The following MARCHF1 variants were observed in gnomAD, a reference collection of about 807,000 sequenced individuals.
The protein encoded by MARCHF1 is membrane associated ring-CH-type finger 1.
MARCHF1 carries 40 observed loss-of-function variants against 54.2 expected under a neutral mutation model. The ratio of observed to expected loss-of-function variants is 0.74; its 90% confidence interval spans 0.57 to 0.96. The LOEUF is 0.96. MARCHF1 is among the 40% of genes least tolerant of loss of function. The pLI is 0.00. For synonymous variants in MARCHF1, 236 were observed against 236.3 expected (o/e 1.00, Z 0.01); for missense variants, 586 against 656.5 (o/e 0.89, Z 1.17).
chr4:164,176,941 GCTCTCTCTCT>G lies in MARCHF1; in HGVS notation c.-322-65289_-322-65280del, dbSNP rs57770641. Among the ~76,000 whole-genome samples the G allele has an allele frequency of 7.1e-3, 411 of 58,100 alleles. 15 individuals are homozygous for G. The highest frequency in any genetic ancestry group is 0.015 in the African/African-American group (330 of 22,556). 38.1% of individuals were successfully genotyped at this position (58,100 alleles called of 152,430 possible). On this transcript the variant is annotated intron_variant, in intron 1 of 9. Transcript: ENST00000514618. ...TGTTATTTATCTGAGTACCTTGTGC[GCTCTCTCTCT>G]CTCTCTCTCTCTCTCTCTCTCTCTC...
Position 163,965,292 on chromosome 4 carries a change from C to G in MARCHF1, c.-39+23209G>C, listed in dbSNP as rs968812231. Among the ~76,000 whole-genome samples the G allele has an allele frequency of 9.2e-5, 14 of 152,062 alleles. No individual in the cohort carries two copies. In the South Asian group the frequency reaches 1.5e-3, roughly 16 times the overall value. On this transcript the variant is annotated intron_variant, in intron 3 of 9. Coordinates refer to ENST00000514618, the MANE Select transcript of MARCHF1 (RefSeq NM_001394959.1). ...TCTCTCTTGTTAGGGATTGAGACAT[C>G]AAGACATAGGCTTGCCTTGTGCCAG...
At chr4:164,070,636 T>C (rs1191018680) in intron 2 of MARCHF1, among the ~76,000 whole-genome samples, 3 of 152,220 alleles carry the variant, frequency 2.0e-5, no homozygotes, top group Non-Finnish European at 4.4e-5. Flanking sequence ...ATGCTCAACC[T>C]ATAATTCTAT....
intron 1 of MARCHF1, among the ~76,000 whole-genome samples, chr4:164,123,646 C>T (rs1756122478): frequency 6.6e-6 from 1 of 152,058 alleles, no homozygotes; most frequent in East Asian, 1.9e-4. Flanking sequence ...AACAAATCTA[C>T]ACACCACAGT....
At chr4:164,270,257 T>C (rs1489434333) in intron 1 of MARCHF1, among the ~76,000 whole-genome samples, 1 of 152,184 alleles carries the variant, frequency 6.6e-6, no homozygotes. Flanking sequence ...TTCTCCCATA[T>C]AAACATAGAG....
intron 1 of MARCHF1, among the ~76,000 whole-genome samples, chr4:164,165,291 A>C (rs909964824): frequency 1.3e-5 from 2 of 152,008 alleles, no homozygotes; most frequent in Admixed American, 1.3e-4. Context: ...GAATGAGGTC[A>C]TGAGGGTGGG....
At chr4:163,939,193 A>T (rs535166821) in intron 3 of MARCHF1, among the ~76,000 whole-genome samples, 1 of 152,304 alleles carries the variant, frequency 6.6e-6, no homozygotes, top group East Asian at 1.9e-4. Context: ...AGCTCCAGGC[A>T]CGGTTGGGAA....
chr4:163,851,948 G>A lies in MARCHF1; in HGVS notation c.111+2073C>T, dbSNP rs141426063. ...ACACATCAGCCCATAACACAAGGAAGAAATCTCTTATTTTATATGTTAAGA... is the reference window on the plus strand; with the variant it reads ...ACACATCAGCCCATAACACAAGGAAAAAATCTCTTATTTTATATGTTAAGA... On this transcript the variant is annotated intron_variant, in intron 4 of 9. Coordinates refer to ENST00000514618, the MANE Select transcript of MARCHF1 (RefSeq NM_001394959.1). 3.1e-3 allele frequency among the ~76,000 whole-genome samples: 471 copies of A among 152,276 alleles called. 3 individuals are homozygous for A. Among genetic ancestry groups the A allele is most frequent in the African/African-American group, 0.011 (451 of 41,546 alleles).
intron 2 of MARCHF1, among the ~76,000 whole-genome samples, chr4:164,008,755 A>C (rs1753352448): frequency 6.6e-6 from 1 of 152,164 alleles, no homozygotes; most frequent in Non-Finnish European, 1.5e-5. Flanking sequence ...TTGAGAAGTT[A>C]AGAAGTACAT....
intron 8 of MARCHF1, among the ~76,000 whole-genome samples, chr4:163,570,439 C>T (rs868661112): frequency 2.6e-5 from 4 of 152,178 alleles, no homozygotes; most frequent in South Asian, 2.1e-4. Flanking sequence ...CAACCTTCTA[C>T]CTCCTTTCCC....
chr4:163,647,503 A>T (rs1742804705), intron 5 of MARCHF1, among the ~76,000 whole-genome samples: 1 of 152,094 alleles, frequency 6.6e-6, no homozygotes, highest in South Asian at 2.1e-4. Flanking sequence ...ACGATAAATC[A>T]TACAGCAGGC....
chr4:163,961,304 T>C (rs1278306084), intron 3 of MARCHF1, among the ~76,000 whole-genome samples: 3 of 151,958 alleles, frequency 2.0e-5, no homozygotes, highest in Non-Finnish European at 4.4e-5. Flanking sequence ...GTGTTTGTGA[T>C]CTTACTGAGC....
At chr4:163,593,459 G>T (rs751890743) in intron 7 of MARCHF1, among the ~76,000 whole-genome samples, 1 of 152,122 alleles carries the variant, frequency 6.6e-6, no homozygotes, top group African/African-American at 2.4e-5. Context: ...ACAGGAGAAG[G>T]CTTTTGTATA....
At chr4:163,756,394 C>T (rs890108021) in intron 4 of MARCHF1, among the ~76,000 whole-genome samples, 1 of 151,414 alleles carries the variant, frequency 6.6e-6, no homozygotes, top group Non-Finnish European at 1.5e-5. Context: ...TTTGGGAGGC[C>T]GAGGTGGGTG....
At chr4:164,017,363 G>A (rs1002433893) in intron 2 of MARCHF1, among the ~76,000 whole-genome samples, 15 of 152,032 alleles carry the variant, frequency 9.9e-5, no homozygotes, top group Admixed American at 1.3e-4. Context: ...TAAAAGAAAA[G>A]CCTACACAAA....
intron 3 of MARCHF1, among the ~76,000 whole-genome samples, chr4:163,858,531 G>C (rs1749831851): frequency 6.6e-6 from 1 of 152,018 alleles, no homozygotes. Flanking sequence ...GAATGTGAAG[G>C]GCTGCTAAAC....
chr4:163,607,870 G>A (rs571647098), intron 7 of MARCHF1, among the ~76,000 whole-genome samples: 1 of 152,048 alleles, frequency 6.6e-6, no homozygotes, highest in Non-Finnish European at 1.5e-5. Flanking sequence ...CTAAGGGTGG[G>A]TCCAGGAATC....
In MARCHF1 at chr4:164,126,856, G is replaced by A. The variant is rs138857214; in HGVS notation, c.-322-15194C>T. On this transcript the variant is annotated intron_variant, in intron 1 of 9. Coordinates refer to ENST00000514618, the MANE Select transcript of MARCHF1 (RefSeq NM_001394959.1). ...GCATCACTTGAGGTCAGGAGCTCAA[G>A]ACCAGCCTGACCAATATGGTGAAAC... 5.9e-3 allele frequency among the ~76,000 whole-genome samples: 899 copies of A among 152,270 alleles called. 8 individuals carry two copies. The highest frequency in any genetic ancestry group is 0.021 in the African/African-American group (854 of 41,558).
intron 4 of MARCHF1, among the ~76,000 whole-genome samples, chr4:163,834,893 T>G (rs1314690371): frequency 1.3e-5 from 2 of 151,196 alleles, no homozygotes; most frequent in Non-Finnish European, 2.9e-5. Context: ...CTTGTTTATT[T>G]TTTTTAGAGA....
intron 8 of MARCHF1, among the ~76,000 whole-genome samples, chr4:163,563,573 A>G (rs1739542626): frequency 6.6e-6 from 1 of 152,236 alleles, no homozygotes; most frequent in South Asian, 2.1e-4. Flanking sequence ...TCATGCTTAC[A>G]ACCATAGACT....
Sources: allele counts gnomAD v4.1 joint callset (sites outside exome capture counted in the v4.1 genomes callset), GRCh38; gene constraint gnomAD v4.1.1; transcripts MANE v1.5; gene names NCBI Gene and HGNC (gene_info 2026-07-23, HGNC 2026-07-21).